CLCN5: variants seen among roughly 807,000 people sequenced by gnomAD.
CLCN5 encodes the protein Cl-/H+ antiporter 5, also known as H(+)/Cl(-) exchange transporter 5.
CLCN5 carries 17 observed loss-of-function variants against 54.0 expected under a neutral mutation model. The observed-to-expected ratio is 0.31, with a 90% CI of 0.22 to 0.47. The LOEUF is 0.47. CLCN5 is among the 20% of genes least tolerant of loss of function. The pLI is 1.00. For missense variants in CLCN5, 448 were observed against 646.7 expected (o/e 0.69, Z 3.33); for synonymous variants, 222 against 233.0 (o/e 0.95, Z 0.43).
At chrX:50,065,805 A>G (rs1196538867) in intron 4 of CLCN5, among the ~76,000 whole-genome samples, 9 of 102,942 alleles carry the variant, frequency 8.7e-5, no homozygotes, top group African/African-American at 2.9e-4. Context: ...AATGTGGCAC[A>G]TATACACCAT....
At chrX:50,042,253 A>C in intron 3 of CLCN5, 63 bp from the exon 4 acceptor site, 1 of 564,829 alleles carries the variant, frequency 1.8e-6, no homozygotes. Flanking sequence ...TCAAATGGCA[A>C]ATGTTACGTG....
chrX:50,085,517 C>G, intron 9 of CLCN5: 1 of 202,702 alleles, frequency 4.9e-6, no homozygotes, highest in Non-Finnish European at 9.1e-6. Flanking sequence ...TGAATACTTG[C>G]AGCTGCTGAA....
At chrX:49,930,524 C>G (rs1701710689) in intron 3 of CLCN5, among the ~76,000 whole-genome samples, 1 of 111,401 alleles carries the variant, frequency 9.0e-6, no homozygotes, top group South Asian at 3.8e-4. Flanking sequence ...TTTAGTAACA[C>G]AGAAATAGGT....
intron 3 of CLCN5, chrX:50,013,134 C>T: frequency 4.0e-6 from 1 of 247,564 alleles, no homozygotes. Flanking sequence ...CTCAATCTGT[C>T]TCTCTCTCAA....
At chrX:50,029,035 C>A (rs1557185427) in intron 3 of CLCN5, among the ~76,000 whole-genome samples, 1 of 111,758 alleles carries the variant, frequency 8.9e-6, no homozygotes, top group Non-Finnish European at 1.9e-5. Flanking sequence ...TCTATATTCC[C>A]CATTTCGATA....
intron 3 of CLCN5, among the ~76,000 whole-genome samples, chrX:49,991,208 C>T (rs951929693): frequency 8.9e-5 from 10 of 111,993 alleles, no homozygotes; most frequent in Admixed American, 1.9e-4. Flanking sequence ...ACCATATCCA[C>T]GCCAACATCT....
intron 4 of CLCN5, chrX:50,050,477 T>A (rs1569539453): frequency 1.8e-5 from 2 of 111,298 alleles, no homozygotes; most frequent in Non-Finnish European, 3.8e-5. Flanking sequence ...GTTGAACATC[T>A]TTTCACGTGC....
At position 50,072,061 on chromosome X, in the gene CLCN5, C is replaced by T. The variant is rs1378844832; in HGVS notation, c.316-428C>T. 1.4e-4 allele frequency among the ~76,000 whole-genome samples: 16 copies of T among 111,743 alleles called. 1 individual carries two copies. In the Admixed American group the frequency reaches 1.5e-3, roughly 11 times the overall value. On this transcript the variant is annotated intron_variant, in intron 5 of 14. Coordinates refer to ENST00000376091, the MANE Select transcript of CLCN5 (RefSeq NM_001127898.4). ...AGTCTGGGAATTTGCCTGACCTGAA[C>T]CACAGCCCCCAGGTAGTAAGCCTCA...
intron 6 of CLCN5, among the ~76,000 whole-genome samples, chrX:50,074,184 C>T (rs947208265): frequency 8.9e-6 from 1 of 111,852 alleles, no homozygotes; most frequent in Non-Finnish European, 1.9e-5. Flanking sequence ...CTTTTAATGG[C>T]GAAAACCGCA....
At chrX:49,964,909 C>T (rs941973691) in intron 3 of CLCN5, among the ~76,000 whole-genome samples, 5 of 111,112 alleles carry the variant, frequency 4.5e-5, no homozygotes, top group African/African-American at 1.6e-4. Flanking sequence ...ACATAGGATA[C>T]CTTTATTCTG....
intron 2 of CLCN5, chrX:49,923,722 T>C (rs782755490): frequency 8.9e-6 from 1 of 112,424 alleles, no homozygotes; most frequent in Admixed American, 9.4e-5. Context: ...TTTTTCCTGC[T>C]GAATTCACCC....
chrX:50,080,830 G>A (rs1933663369), intron 8 of CLCN5, 114 bp downstream of exon 8: 1 of 653,831 alleles, frequency 1.5e-6, no homozygotes, highest in Non-Finnish European at 2.5e-6. Context: ...AACAGGATCA[G>A]ATCCTGAGGC....
intron 3 of CLCN5, among the ~76,000 whole-genome samples, chrX:49,982,314 T>A (rs782260511): frequency 3.6e-5 from 4 of 110,004 alleles, no homozygotes; most frequent in Non-Finnish European, 5.7e-5. Flanking sequence ...TTTTTTTTAA[T>A]TCAATCAAGG....
intron 3 of CLCN5, among the ~76,000 whole-genome samples, chrX:50,030,471 G>A (rs1263497731): frequency 4.5e-5 from 5 of 111,433 alleles, no homozygotes; most frequent in African/African-American, 1.3e-4. Flanking sequence ...AGTTGTATAG[G>A]TATGCATTCA....
intron 3 of CLCN5, among the ~76,000 whole-genome samples, chrX:49,933,747 C>T (rs782746160): frequency 1.7e-4 from 19 of 112,074 alleles, no homozygotes; most frequent in African/African-American, 5.8e-4. Context: ...AAAGCACTTG[C>T]ACATGCTGGC....
At chrX:49,949,340 G>C (rs1926910680) in intron 3 of CLCN5, among the ~76,000 whole-genome samples, 2 of 112,081 alleles carry the variant, frequency 1.8e-5, no homozygotes, top group Admixed American at 1.9e-4. Flanking sequence ...TGCTGAAGTT[G>C]AGGAACCTTG....
At position 50,070,021 on chromosome X, in the gene CLCN5, G is replaced by A. The variant is rs782753501; in HGVS notation, c.306G>A (p.Arg102=). Residue 102 remains arginine (R), a synonymous_variant, in exon 5 of 15, where the codon AGG becomes AGA. Coordinates refer to ENST00000376091, the MANE Select transcript of CLCN5 (RefSeq NM_001127898.4). ...WVREKSRDRD[R]HREITNKSKE... is the part of the protein sequence containing the mutation. ...GAGAGAAGTCTCGAGACCGGGATAGGCACCGAGAGGTAAGACAAAAGATGG... is the reference window on the plus strand; with the variant it reads ...GAGAGAAGTCTCGAGACCGGGATAGACACCGAGAGGTAAGACAAAAGATGG... 1.7e-6 allele frequency: 2 copies of A among 1,205,869 alleles called. No individual in the cohort carries two copies. Among genetic ancestry groups the A allele is most frequent in the Non-Finnish European group, 2.2e-6 (2 of 892,912 alleles).
At chrX:49,934,053 A>G (rs1211038596) in intron 3 of CLCN5, among the ~76,000 whole-genome samples, 3 of 110,910 alleles carry the variant, frequency 2.7e-5, no homozygotes, top group Admixed American at 9.6e-5. Flanking sequence ...GGGGCTCCTG[A>G]TAATCAGTGC....
chrX:50,087,518 G>C (rs782250799), intron 11 of CLCN5, among the ~76,000 whole-genome samples: 4 of 111,725 alleles, frequency 3.6e-5, no homozygotes, highest in Non-Finnish European at 7.5e-5. Context: ...GAAGAAGCCA[G>C]AAAAGAAAAT....
Sources: allele counts gnomAD v4.1 joint callset (sites outside exome capture counted in the v4.1 genomes callset), GRCh38; gene constraint gnomAD v4.1.1; transcripts MANE v1.5; gene names NCBI Gene and HGNC (gene_info 2026-07-23, HGNC 2026-07-21).